GRIN2B: variants seen among roughly 807,000 people sequenced by gnomAD.
GRIN2B encodes glutamate receptor ionotropic, NMDA 2B.
In GRIN2B, 5 loss-of-function variants were observed where a neutral mutation model predicts 114.5. The ratio of observed to expected loss-of-function variants is 0.04; its 90% CI spans 0.02 to 0.09. GRIN2B has a LOEUF of 0.09. Among genes scored for constraint, GRIN2B ranks in the 10% least tolerant of loss-of-function variants. The probability of loss-of-function intolerance (pLI) is 1.00; values close to 1 mark genes in which losing one functional copy is unlikely to be tolerated. For synonymous variants in GRIN2B, 787 were observed against 745.1 expected (o/e 1.06, Z -0.92); for missense variants, 1,108 against 1,943.5 (o/e 0.57, Z 8.08).
In GRIN2B at chr12:13,869,739, G is replaced by T. The variant is rs1447227841; in HGVS notation, c.-18-3513C>A. ...TGGGGCCTCTCAGTATAATATGAGT[G>T]TTGAGTGAATGAATGAATGAATGAA... On this transcript the variant is annotated intron_variant, in intron 2 of 13. Transcript: ENST00000609686. Among the ~76,000 whole-genome samples, 6 of 151,632 alleles carry T rather than the reference G, an allele frequency of 4.0e-5. No homozygotes were observed. The South Asian group carries it at 8.4e-4, about 21-fold the overall frequency.
intron 2 of GRIN2B, among the ~76,000 whole-genome samples, chr12:13,873,979 A>C (rs1170258194): frequency 2.0e-5 from 3 of 152,228 alleles, no homozygotes; most frequent in Non-Finnish European, 4.4e-5. Context: ...GGGAAAAGAC[A>C]TAGGCTTTGA....
At chr12:13,957,244 G>A (rs564234956) in intron 2 of GRIN2B, among the ~76,000 whole-genome samples, 1 of 152,070 alleles carries the variant, frequency 6.6e-6, no homozygotes, top group African/African-American at 2.4e-5. Flanking sequence ...CTGGGAGGTC[G>A]GCCTCAGTAA....
At chr12:13,918,777 T>C (rs1048046315) in intron 2 of GRIN2B, among the ~76,000 whole-genome samples, 3 of 152,210 alleles carry the variant, frequency 2.0e-5, no homozygotes, top group Admixed American at 1.3e-4. Context: ...TATACAGTAG[T>C]TGTAGTTTCA....
In GRIN2B at chr12:13,701,071, GGAA is replaced by G. The variant is rs1291423108; in HGVS notation, c.1011-25215_1011-25213del. ...GAGGCACCTACTTCACAAGGCAGCA[GGAA>G]GAAGAAGTGCACACAGGAAGAACTA... On this transcript the variant is annotated intron_variant, in intron 4 of 13. Transcript: ENST00000609686. Among the ~76,000 whole-genome samples, 6 of 152,182 alleles carry G rather than the reference GGAA, an allele frequency of 3.9e-5. No homozygotes were observed. In the East Asian group the frequency reaches 7.7e-4, roughly 20 times the overall value.
intron 3 of GRIN2B, among the ~76,000 whole-genome samples, chr12:13,835,771 T>TAAAAAAAAAAAAAAAAAAAAAAAA (rs1165005583): frequency 2.2e-5 from 2 of 91,492 alleles, no homozygotes; most frequent in Non-Finnish European, 2.1e-5. Context: ...CATAGCACAT[T>TAAAAAAAAAAAAAAAAAAAAAAAA]AAAAAAAAAA....
intron 3 of GRIN2B, among the ~76,000 whole-genome samples, chr12:13,778,014 T>C (rs1248779945): frequency 6.6e-6 from 1 of 152,146 alleles, no homozygotes; most frequent in African/African-American, 2.4e-5. Flanking sequence ...GAGAAAAAAA[T>C]CTACCTGTTG....
intron 5 of GRIN2B, among the ~76,000 whole-genome samples, chr12:13,673,464 A>G (rs1276757382): frequency 6.6e-6 from 1 of 152,092 alleles, no homozygotes; most frequent in Non-Finnish European, 1.5e-5. Context: ...AAGGAACATC[A>G]CAGTCAGAAT....
At position 13,753,294 on chromosome 12, in the gene GRIN2B, T is replaced by C. The variant is rs2136628690; in HGVS notation, c.1010+23A>G. On this transcript the variant is annotated intron_variant, in intron 4 of 13. Coordinates refer to ENST00000609686, the MANE Select transcript of GRIN2B (RefSeq NM_000834.5). The surrounding 1 kb of genome is among the most constrained non-coding windows in gnomAD (Gnocchi z 6.2). ...GCTCCCCTCTCATCTCCACCATCAA[T>C]GTGCCCTCTGTTCCACACTCACCTA... The C allele has an allele frequency of 1.5e-6, 2 of 1,298,412 alleles. No homozygotes were observed. The allele number at this position is 1,298,412 out of a possible 1,614,324, so 80.4% of individuals were successfully genotyped here.
chr12:13,705,798 A>G (rs374058752), intron 4 of GRIN2B, among the ~76,000 whole-genome samples: 27 of 152,308 alleles, frequency 1.8e-4, no homozygotes, highest in East Asian at 1.2e-3. Context: ...AAGACATTAA[A>G]ATAAACCCTT....
At chr12:13,812,036 G>A (rs1324728316) in intron 3 of GRIN2B, among the ~76,000 whole-genome samples, 1 of 152,130 alleles carries the variant, frequency 6.6e-6, no homozygotes, top group African/African-American at 2.4e-5. Flanking sequence ...GTGACTCGTG[G>A]CCAATCTTTC....
At chr12:13,960,757 C>T (rs1374887437) in intron 2 of GRIN2B, among the ~76,000 whole-genome samples, 2 of 152,170 alleles carry the variant, frequency 1.3e-5, no homozygotes, top group Admixed American at 6.5e-5. Context: ...TATTGTGTGA[C>T]AGCAAAGTCC....
In GRIN2B at chr12:13,537,814, C is replaced by T. The variant is rs1948231125; in HGVS notation, c.*24969G>A. On this transcript the variant is annotated 3_prime_UTR_variant, in exon 14 of 14. Transcript: ENST00000609686. ...CTCCACTATGTAAAACTGAGAACTACTGCTCCAGGTAACCTTTGATGGGGA... is the reference window on the plus strand; with the variant it reads ...CTCCACTATGTAAAACTGAGAACTATTGCTCCAGGTAACCTTTGATGGGGA... The T allele has an allele frequency of 6.6e-6, 1 of 152,196 alleles. No individual in the cohort carries two copies. The highest frequency in any genetic ancestry group is 1.5e-5 in the Non-Finnish European group (1 of 68,046). 9.4% of individuals were successfully genotyped at this position (152,196 alleles called of 1,614,324 possible).
intron 2 of GRIN2B, among the ~76,000 whole-genome samples, chr12:13,945,428 C>T (rs552448102): frequency 2.0e-4 from 30 of 152,298 alleles, no homozygotes; most frequent in Middle Eastern, 6.8e-3. Flanking sequence ...TTGAGTCTGG[C>T]TCTGCCTGTG....
At chr12:13,877,924 G>A (rs1479021908) in intron 2 of GRIN2B, among the ~76,000 whole-genome samples, 4 of 151,600 alleles carry the variant, frequency 2.6e-5, no homozygotes, top group Admixed American at 2.6e-4. Flanking sequence ...ATTAGCTGGG[G>A]GTAGTGGCAC....
chr12:13,889,110 T>G (rs1344348263), intron 2 of GRIN2B, among the ~76,000 whole-genome samples: 6 of 152,228 alleles, frequency 3.9e-5, no homozygotes, highest in African/African-American at 1.4e-4. Flanking sequence ...ATTTTAAAAA[T>G]TATTTGTTTT....
intron 3 of GRIN2B, among the ~76,000 whole-genome samples, chr12:13,764,840 G>A (rs1591718325): frequency 6.6e-6 from 1 of 152,110 alleles, no homozygotes; most frequent in African/African-American, 2.4e-5. Context: ...GGAAACTCGG[G>A]GCTTATTCTT....
At chr12:13,571,312 A>G (rs1485422388) in intron 11 of GRIN2B, among the ~76,000 whole-genome samples, 1 of 152,184 alleles carries the variant, frequency 6.6e-6, no homozygotes, top group African/African-American at 2.4e-5. Flanking sequence ...ACTCCTATGA[A>G]TGGACAAACA....
chr12:13,893,220 A>G (rs763651836), intron 2 of GRIN2B, among the ~76,000 whole-genome samples: 3 of 152,172 alleles, frequency 2.0e-5, no homozygotes, highest in Non-Finnish European at 4.4e-5. Context: ...ACTGTTATCA[A>G]TAAAATATTC....
chr12:13,818,406 C>A (rs1325137921), intron 3 of GRIN2B, among the ~76,000 whole-genome samples: 2 of 152,182 alleles, frequency 1.3e-5, no homozygotes, highest in African/African-American at 4.8e-5. Flanking sequence ...GCTCTTCATG[C>A]ACTTTTATTT....
Sources: gnomAD v4.1 joint callset for allele counts (sites outside exome capture counted in the v4.1 genomes callset) on GRCh38, gnomAD v4.1.1 for gene constraint, Gnocchi (gnomAD v3.1) non-coding constraint, MANE v1.5 for transcripts, NCBI Gene and HGNC (gene_info 2026-07-23, HGNC 2026-07-21) for gene names.